Variants in DGKI observed in about 807,000 individuals in gnomAD.
DGKI encodes DAG kinase iota.
DGKI carries 55 observed loss-of-function variants against 147.5 expected under a neutral mutation model. That is an observed-to-expected ratio of 0.37 (90% CI 0.30 to 0.47). The LOEUF (loss-of-function observed/expected upper bound fraction) is 0.47, where lower values mean the gene tolerates loss of function less well. DGKI is among the 20% of genes least tolerant of loss of function. The pLI, the probability that DGKI is intolerant of heterozygous loss-of-function variation, is 1.00. For missense variants in DGKI, 1,007 were observed against 1,323.8 expected (o/e 0.76, Z 3.71); for synonymous variants, 469 against 477.1 (o/e 0.98, Z 0.22).
chr7:137,772,736 C>T (rs74463490), intron 1 of DGKI, among the ~76,000 whole-genome samples: 4,464 of 152,290 alleles, frequency 0.029, 226 homozygotes, highest in African/African-American at 0.1. Flanking sequence ...ACACTGTCAG[C>T]AGTTATTCCA....
At chr7:137,530,678 T>G (rs1302135116) in intron 20 of DGKI, among the ~76,000 whole-genome samples, 4 of 152,200 alleles carry the variant, frequency 2.6e-5, no homozygotes, top group Non-Finnish European at 5.9e-5. Flanking sequence ...ACATCTTTTT[T>G]CTGACATCTG....
chr7:137,654,837 T>C lies in DGKI; in HGVS notation c.682-49A>G, dbSNP rs1330013836. On this transcript the variant is annotated intron_variant, in intron 4 of 32. Coordinates refer to ENST00000614521, the MANE Select transcript of DGKI (RefSeq NM_001321708.2). Reference sequence around the variant, plus strand: ...ATTATATTAGAGATAAGCATCAGACTAGACTGAATTACCTGAAAAAAAAAA... The same window carrying C: ...ATTATATTAGAGATAAGCATCAGACCAGACTGAATTACCTGAAAAAAAAAA... 3 of 1,185,482 alleles carry C rather than the reference T, an allele frequency of 2.5e-6. No individual in the cohort carries two copies. In the East Asian group the frequency reaches 7.2e-5, roughly 29 times the overall value. The allele number at this position is 1,185,482 out of a possible 1,614,324, so 73.4% of individuals were successfully genotyped here. A position where few individuals can be genotyped will look rare whatever the true frequency, so the allele number is the denominator to read the frequency against.
intron 1 of DGKI, among the ~76,000 whole-genome samples, chr7:137,843,756 TACACACACACACAC>T (rs71177923): frequency 7.3e-6 from 1 of 137,896 alleles, no homozygotes; most frequent in Non-Finnish European, 1.5e-5. Context: ...GAGACCCCCC[TACACACACACACAC>T]ACACACACAC....
At chr7:137,401,482 G>C (rs1266509522) in intron 30 of DGKI, among the ~76,000 whole-genome samples, 2 of 152,060 alleles carry the variant, frequency 1.3e-5, no homozygotes, top group African/African-American at 2.4e-5. Context: ...AGTGAGCCAT[G>C]ACTGCACTCT....
chr7:137,641,576 C>T (rs1821627034), intron 6 of DGKI, among the ~76,000 whole-genome samples: 1 of 152,032 alleles, frequency 6.6e-6, no homozygotes, highest in Admixed American at 6.6e-5. Flanking sequence ...TAGCATGAAA[C>T]ATAAATGAAT....
At chr7:137,431,221 TC>T (rs1228091786) in intron 28 of DGKI, among the ~76,000 whole-genome samples, 1 of 150,268 alleles carries the variant, frequency 6.7e-6, no homozygotes, top group Non-Finnish European at 1.5e-5. Flanking sequence ...ATGGTTTAAA[TC>T]ACTTTCTTGC....
chr7:137,611,950 AG>A (rs1222988472), intron 8 of DGKI, among the ~76,000 whole-genome samples: 1 of 152,212 alleles, frequency 6.6e-6, no homozygotes, highest in African/African-American at 2.4e-5. Context: ...GAGCAATGCC[AG>A]ACACCAAGTG....
intron 1 of DGKI, among the ~76,000 whole-genome samples, chr7:137,829,027 C>T (rs1798145128): frequency 6.6e-6 from 1 of 152,208 alleles, no homozygotes; most frequent in Non-Finnish European, 1.5e-5. Context: ...CAATAATGCT[C>T]TTCCCATAAC....
rs781519975 is a variant in DGKI at position 137,408,010 on chromosome 7, A to G, written c.2800-15T>C. On this transcript the variant is annotated splice_polypyrimidine_tract_variant and intron_variant, in intron 29 of 32. Transcript: ENST00000614521. ...CTTTCTATTAGCTGCAAAGAGAGAC[A>G]TACAAAAAGAAGCTCAGGCAGAATT... 1.2e-6 allele frequency: 2 copies of G among 1,613,062 alleles called. No homozygotes were observed. Among genetic ancestry groups the G allele is most frequent in the South Asian group, 2.2e-5 (2 of 90,862 alleles).
intron 21 of DGKI, among the ~76,000 whole-genome samples, chr7:137,517,262 AAG>A (rs1384692921): frequency 8.1e-6 from 1 of 124,148 alleles, no homozygotes; most frequent in African/African-American, 4.3e-5. Flanking sequence ...AAAAGAAAGA[AAG>A]AAAGAAAGAA....
At chr7:137,647,884 G>A (rs1342011902) in intron 5 of DGKI, among the ~76,000 whole-genome samples, 1 of 152,164 alleles carries the variant, frequency 6.6e-6, no homozygotes, top group African/African-American at 2.4e-5. Flanking sequence ...TGACTTGAAT[G>A]GTCAACATCA....
At chr7:137,488,165 T>C (rs988605096) in intron 21 of DGKI, among the ~76,000 whole-genome samples, 2 of 152,186 alleles carry the variant, frequency 1.3e-5, no homozygotes, top group African/African-American at 4.8e-5. Flanking sequence ...CAACTTCATC[T>C]TTTTGTCTGT....
At chr7:137,472,202 TAC>T (rs1451918648) in intron 23 of DGKI, among the ~76,000 whole-genome samples, 1 of 108,084 alleles carries the variant, frequency 9.3e-6, no homozygotes, top group African/African-American at 4.0e-5. Flanking sequence ...AAATATTATA[TAC>T]ATACACATAT....
intron 1 of DGKI, among the ~76,000 whole-genome samples, chr7:137,822,798 AAAAT>A (rs1350437542): frequency 1.3e-5 from 2 of 152,132 alleles, no homozygotes; most frequent in East Asian, 3.9e-4. Context: ...TAACAAAAAT[AAAAT>A]AAAACAAAAA....
At chr7:137,687,591 G>A (rs933252429) in intron 2 of DGKI, among the ~76,000 whole-genome samples, 9 of 152,108 alleles carry the variant, frequency 5.9e-5, no homozygotes, top group African/African-American at 1.2e-4. Flanking sequence ...TTTAACAATC[G>A]GCTTTTTCCT....
rs780836254 is a variant in DGKI, at chr7:137,656,580, CA to C, written c.607-41del. On this transcript the variant is annotated intron_variant, in intron 3 of 32. Coordinates refer to ENST00000614521, the MANE Select transcript of DGKI (RefSeq NM_001321708.2). ...TCAAAAGACAAAAAAGAAATGTTAACAGTCTGTTCTGAAGAGTTCCCTAGTA... is the reference window on the plus strand; with the variant it reads ...TCAAAAGACAAAAAAGAAATGTTAACGTCTGTTCTGAAGAGTTCCCTAGTA... 46 of 1,599,074 alleles carry C rather than the reference CA, an allele frequency of 2.9e-5. 1 individual carries two copies. The highest frequency in any genetic ancestry group is 3.9e-5 in the Non-Finnish European group (46 of 1,166,592).
At chr7:137,745,597 T>C (rs1272590913) in intron 1 of DGKI, among the ~76,000 whole-genome samples, 1 of 152,190 alleles carries the variant, frequency 6.6e-6, no homozygotes, top group African/African-American at 2.4e-5. Context: ...CACTCAGTAG[T>C]GGGCTCAATT....
At chr7:137,512,710 C>A (rs1410244008) in intron 21 of DGKI, among the ~76,000 whole-genome samples, 2 of 152,202 alleles carry the variant, frequency 1.3e-5, no homozygotes, top group Non-Finnish European at 2.9e-5. Context: ...CAAATATCAT[C>A]ATCATTTTAG....
chr7:137,681,114 G>GAGTGCACCATCCACATCTCCC (rs1823221322), intron 2 of DGKI, among the ~76,000 whole-genome samples: 1 of 152,180 alleles, frequency 6.6e-6, no homozygotes. Flanking sequence ...CTGGTGGTAG[G>GAGTGCACCATCCACATCTCCC]AGTGCACCAT....
Sources: gnomAD v4.1 joint callset for allele counts (sites outside exome capture counted in the v4.1 genomes callset) on GRCh38, gnomAD v4.1.1 for gene constraint, MANE v1.5 for transcripts, NCBI Gene and HGNC (gene_info 2026-07-23, HGNC 2026-07-21) for gene names.